Variants in SETDB2 observed in about 807,000 individuals in gnomAD.
SETDB2 encodes the protein histone-lysine N-methyltransferase SETDB2.
SETDB2 carries 56 observed loss-of-function variants against 82.5 expected under a neutral mutation model. The observed-to-expected ratio is 0.68, with a 90% CI of 0.55 to 0.85. The LOEUF is 0.85. Among genes scored for constraint, SETDB2 ranks in the 40% least tolerant of loss-of-function variants. The pLI, the probability that SETDB2 is intolerant of heterozygous loss-of-function variation, is 0.00. For missense variants in SETDB2, 677 were observed against 816.4 expected, an observed-to-expected ratio of 0.83 and a Z score of 2.08; for synonymous variants, 272 against 284.9, an observed-to-expected ratio of 0.95 and a Z score of 0.46.
At chr13:49,465,180 A>C (rs113324328) in intron 4 of SETDB2, among the ~76,000 whole-genome samples, 3,176 of 152,242 alleles carry the variant, frequency 0.021, 119 homozygotes, top group African/African-American at 0.07. Flanking sequence ...CCTGGATCCA[A>C]CCTAGACTCC....
At chr13:49,454,931 T>C (rs1292477851) in intron 2 of SETDB2, among the ~76,000 whole-genome samples, 1 of 152,148 alleles carries the variant, frequency 6.6e-6, no homozygotes. Context: ...AAAGAGCTTT[T>C]GTTTATGTGG....
chr13:49,470,006 CTTTTGGAAACCTCGG>C (rs1459181911), intron 5 of SETDB2, among the ~76,000 whole-genome samples: 1 of 152,154 alleles, frequency 6.6e-6, no homozygotes, highest in African/African-American at 2.4e-5. Flanking sequence ...TTTATTAGCA[CTTTTGGAAACCTCGG>C]TTCTTACTAG....
At chr13:49,463,389 T>C (rs1958036993) in intron 4 of SETDB2, among the ~76,000 whole-genome samples, 1 of 152,112 alleles carries the variant, frequency 6.6e-6, no homozygotes, top group South Asian at 2.1e-4. Context: ...AGGAGGATCT[T>C]TATTGAGTGC....
At chr13:49,474,734 G>C (rs114841569) in intron 5 of SETDB2, among the ~76,000 whole-genome samples, 404 of 152,298 alleles carry the variant, frequency 2.7e-3, no homozygotes, top group Middle Eastern at 0.01. Context: ...TTACGCAAAG[G>C]ATTACTATAC....
intron 4 of SETDB2, among the ~76,000 whole-genome samples, chr13:49,462,169 A>G (rs1426555882): frequency 1.3e-5 from 2 of 152,182 alleles, no homozygotes; most frequent in African/African-American, 4.8e-5. Context: ...TTCAGTCATC[A>G]GCCCATTGGT....
intron 2 of SETDB2, 66 bp from the exon 3 acceptor site, chr13:49,460,041 A>G: frequency 6.7e-7 from 1 of 1,495,972 alleles, no homozygotes; most frequent in South Asian, 1.2e-5. Flanking sequence ...GTTCTATAAC[A>G]TGTTCTTAGA....
intron 9 of SETDB2, 67 bp downstream of exon 9, chr13:49,483,029 C>A: frequency 1.0e-6 from 1 of 982,350 alleles, no homozygotes; most frequent in Non-Finnish European, 1.5e-6. Context: ...CTTTTTCATT[C>A]CTTCCCCTCT....
chr13:49,450,366 T>C (rs1957764099), intron 1 of SETDB2, among the ~76,000 whole-genome samples: 1 of 152,242 alleles, frequency 6.6e-6, no homozygotes, highest in Non-Finnish European at 1.5e-5. Context: ...TAGTCTGTTC[T>C]GTCATTCAGT....
At chr13:49,491,341 A>G (rs11843362) in intron 13 of SETDB2, among the ~76,000 whole-genome samples, 2,609 of 152,358 alleles carry the variant, frequency 0.017, 81 homozygotes, top group African/African-American at 0.059. Flanking sequence ...ATTCCCATTT[A>G]GAATGAATGC....
intron 12 of SETDB2, among the ~76,000 whole-genome samples, chr13:49,489,590 T>G (rs1489065775): frequency 9.2e-6 from 1 of 108,878 alleles, no homozygotes; most frequent in Non-Finnish European, 1.8e-5. Flanking sequence ...GGTCATCATA[T>G]TTATTCTTTT....
At chr13:49,466,189 C>A (rs1333949567) in intron 4 of SETDB2, among the ~76,000 whole-genome samples, 3 of 152,036 alleles carry the variant, frequency 2.0e-5, no homozygotes, top group African/African-American at 7.2e-5. Context: ...ATCCCAGAAC[C>A]TTGGAAGGCT....
rs1483251864 is a variant in SETDB2 at position 49,467,939 on chromosome 13, T to A, written c.284T>A (p.Phe95Tyr). 6.2e-7 allele frequency: 1 copy of A among 1,608,562 alleles called. No individual in the cohort carries two copies. Among genetic ancestry groups the A allele is most frequent in the Admixed American group, 1.7e-5 (1 of 59,488 alleles). ...CCCTCTACATCATGTGAAAACTCCT[T>A]TCCAGAAGACTGTACATTTCTGTAT... ...AFPSTSCENS[F>Y]PEDCTFLTTE... The change falls in exon 5 of 14, where the codon TTT becomes TAT. Residue 95 changes from phenylalanine (F) to tyrosine (Y), a missense_variant. Physicochemically the swap from Phe to Tyr is conservative, Grantham distance 22. Around this residue, in one of 3 missense-constraint regions of SETDB2, gnomAD observed 243 missense variants for 237.2 expected, o/e 1.02. Coordinates refer to ENST00000611815, the MANE Select transcript of SETDB2 (RefSeq NM_001160308.3).
intron 1 of SETDB2, among the ~76,000 whole-genome samples, chr13:49,449,853 T>G (rs1034371366): frequency 6.6e-6 from 1 of 152,240 alleles, no homozygotes; most frequent in East Asian, 1.9e-4. Flanking sequence ...TTGCTACGTA[T>G]ACCTCAGTGC....
At chr13:49,489,831 A>T (rs1193296568) in intron 12 of SETDB2, among the ~76,000 whole-genome samples, 1 of 147,248 alleles carries the variant, frequency 6.8e-6, no homozygotes, top group Non-Finnish European at 1.5e-5. Context: ...CCTGACCTCA[A>T]GTGATCTGCC....
rs776751266 is a variant in SETDB2 at position 49,480,981 on chromosome 13, C to T, written c.1021C>T (p.Arg341Ter). ...ATGCAGCCTTTTGTGCAAATGTAAT[C>T]GACAATTGTGTCAAAACCGAGTTGT... ...YECSLLCKCN[R>*]QLCQNRVVQH... The change falls in exon 8 of 14, where the codon CGA becomes TGA. Residue 341 changes from arginine (R) to a stop codon, truncating the protein, a stop_gained. Coordinates refer to ENST00000611815, the MANE Select transcript of SETDB2 (RefSeq NM_001160308.3). LOFTEE classifies it high-confidence loss of function. 5 of 1,614,054 alleles carry T rather than the reference C, an allele frequency of 3.1e-6. No individual in the cohort carries two copies. Among genetic ancestry groups the T allele is most frequent in the Admixed American group, 1.7e-5 (1 of 60,022 alleles).
intron 1 of SETDB2, among the ~76,000 whole-genome samples, chr13:49,450,527 C>T (rs1957766192): frequency 6.6e-6 from 1 of 152,310 alleles, no homozygotes; most frequent in African/African-American, 2.4e-5. Context: ...TGAGGACTCT[C>T]AGTTGTGCAT....
chr13:49,483,069 T>G (rs899669461), intron 9 of SETDB2, 107 bp downstream of exon 9: 1 of 772,674 alleles, frequency 1.3e-6, no homozygotes, highest in Non-Finnish European at 2.1e-6. Flanking sequence ...ATTTATCATT[T>G]TGCTTCAAAG....
Position 49,494,902 on chromosome 13 carries a change from CTATAAT to C in SETDB2, c.*3058_*3063del, listed in dbSNP as rs1336705740. The C allele has an allele frequency of 1.3e-5, 2 of 152,070 alleles. No homozygotes were observed. The highest frequency in any genetic ancestry group is 4.8e-5 in the African/African-American group (2 of 41,396). The allele number at this position is 152,070 out of a possible 1,614,324, so 9.4% of individuals were successfully genotyped here. A position where few individuals can be genotyped will look rare whatever the true frequency, so the allele number is the denominator to read the frequency against. ...TTTTCCAGAACAACTTATTTTTTAA[CTATAAT>C]TATATGCATTTATGTTAGATTCACT... On this transcript the variant is annotated 3_prime_UTR_variant, in exon 14 of 14. Transcript: ENST00000611815.
At chr13:49,467,052 T>C (rs1958130029) in intron 4 of SETDB2, among the ~76,000 whole-genome samples, 1 of 152,172 alleles carries the variant, frequency 6.6e-6, no homozygotes, top group South Asian at 2.1e-4. Context: ...CAATATCCTT[T>C]TATTAAACTT....
Sources: allele counts gnomAD v4.1 joint callset (sites outside exome capture counted in the v4.1 genomes callset), GRCh38; gene constraint gnomAD v4.1.1; regional missense constraint gnomAD v4.1.1; transcripts MANE v1.5; gene names NCBI Gene and HGNC (gene_info 2026-07-23, HGNC 2026-07-21).